Variants in FGF14 observed in about 807,000 individuals in gnomAD.
FGF14 encodes the protein fibroblast growth factor 14, also known as fibroblast growth factor homologous factor 4.
A neutral mutation model predicts 25.5 loss-of-function variants in FGF14; 5 were observed. The observed-to-expected ratio is 0.20, with a 90% CI of 0.10 to 0.41. The LOEUF is 0.41. FGF14 is among the 10% of genes least tolerant of loss of function. The pLI is 1.00. For missense variants in FGF14, 222 were observed against 320.1 expected (o/e 0.69, Z 2.34); for synonymous variants, 138 against 118.3 (o/e 1.17, Z -1.08).
chr13:102,184,745 G>C (rs1010692428), intron 1 of FGF14, among the ~76,000 whole-genome samples: 2 of 152,208 alleles, frequency 1.3e-5, no homozygotes, highest in East Asian at 3.9e-4. Flanking sequence ...TGTGGATAGG[G>C]GTATGGGTTG....
chr13:102,031,492 T>C (rs184259039), intron 1 of FGF14, among the ~76,000 whole-genome samples: 61 of 152,238 alleles, frequency 4.0e-4, no homozygotes, highest in African/African-American at 1.5e-3. Flanking sequence ...CTAAAAGTTC[T>C]TCCTCTTATG....
chr13:102,284,435 T>TTTGGATAA (rs1210271592), intron 1 of FGF14, among the ~76,000 whole-genome samples: 3 of 152,136 alleles, frequency 2.0e-5, no homozygotes, highest in Admixed American at 2.0e-4. Context: ...TAAAGTTTAC[T>TTTGGATAA]TTGGATAAAG....
intron 1 of FGF14, among the ~76,000 whole-genome samples, chr13:102,180,813 T>C (rs1352176764): frequency 6.6e-6 from 1 of 152,152 alleles, no homozygotes; most frequent in Non-Finnish European, 1.5e-5. Flanking sequence ...TTCTTTGAAA[T>C]AAATCAAGGA....
intron 1 of FGF14, among the ~76,000 whole-genome samples, chr13:102,248,686 C>G (rs1236141265): frequency 6.6e-6 from 1 of 151,950 alleles, no homozygotes; most frequent in African/African-American, 2.4e-5. Context: ...TATTTTGCAC[C>G]AGGAATTAAC....
intron 1 of FGF14, among the ~76,000 whole-genome samples, chr13:101,895,262 T>A (rs1435941678): frequency 1.3e-5 from 2 of 152,146 alleles, no homozygotes; most frequent in African/African-American, 4.8e-5. Context: ...GTAACATTTT[T>A]AAAGAAATCA....
intron 1 of FGF14, among the ~76,000 whole-genome samples, chr13:102,033,023 A>C (rs538999269): frequency 2.0e-5 from 3 of 152,228 alleles, no homozygotes; most frequent in Non-Finnish European, 4.4e-5. Context: ...ACAGCTGTGT[A>C]TTCACTTTCT....
upstream of FGF14, chr13:102,401,847 C>T: frequency 1.5e-6 from 1 of 656,288 alleles, no homozygotes; most frequent in Non-Finnish European, 2.7e-6. Context: ...CCTTTTTCAG[C>T]ATGAAGCCAA....
At chr13:101,910,846 G>A (rs890105989) in intron 1 of FGF14, among the ~76,000 whole-genome samples, 1 of 60,488 alleles carries the variant, frequency 1.7e-5, no homozygotes, top group African/African-American at 1.7e-4. Context: ...TCGTGTGTGT[G>A]TGTGTGTGTG....
intron 1 of FGF14, among the ~76,000 whole-genome samples, chr13:102,055,555 T>C (rs1273679584): frequency 1.3e-5 from 2 of 152,344 alleles, no homozygotes; most frequent in East Asian, 3.9e-4. Context: ...TAACAAATCA[T>C]CCCTTAGAAC....
At chr13:102,020,534 T>C (rs545441313) in intron 1 of FGF14, among the ~76,000 whole-genome samples, 2 of 149,312 alleles carry the variant, frequency 1.3e-5, no homozygotes, top group East Asian at 4.0e-4. Flanking sequence ...GCAATCAGAG[T>C]GAAACTCTGT....
intron 1 of FGF14, among the ~76,000 whole-genome samples, chr13:102,288,192 T>G (rs2054199622): frequency 6.6e-6 from 1 of 152,224 alleles, no homozygotes; most frequent in African/African-American, 2.4e-5. Context: ...AAAGTGGTCA[T>G]GTTTATGTAA....
chr13:101,824,800 G>C (rs1177348654), intron 3 of FGF14, among the ~76,000 whole-genome samples: 1 of 152,068 alleles, frequency 6.6e-6, no homozygotes, highest in Non-Finnish European at 1.5e-5. Flanking sequence ...GGGGCTGAAG[G>C]TTAAGTTGAT....
rs1566823038 is a variant in FGF14 at position 101,726,599 on chromosome 13, G to A, written c.607+13C>T. The stretch of plus-strand genomic sequence containing the variant: ...ATAAGTCTATGTAATAATAATGCAT[G>A]CATAATACTCACCTTCCAATGGCTT... On this transcript the variant is annotated intron_variant, in intron 4 of 4. Transcript: ENST00000376143. The A allele has an allele frequency of 6.2e-7, 1 of 1,610,230 alleles. No homozygotes were observed. The highest frequency in any genetic ancestry group is 2.2e-5 in the East Asian group (1 of 44,796).
In FGF14 at chr13:101,726,567, A is replaced by G. The variant is rs774637031; in HGVS notation, c.607+45T>C. On this transcript the variant is annotated intron_variant, in intron 4 of 4. Transcript: ENST00000376143. ...TAGACCTATCAATTTGAAAAATAAA[A>G]TATGTAATAAGTCTATGTAATAATA... The G allele has an allele frequency of 6.4e-6, 10 of 1,557,602 alleles. No homozygotes were observed. In the African/African-American group the frequency reaches 1.2e-4, roughly 19 times the overall value.
At chr13:101,830,536 C>A (rs1364464432) in intron 3 of FGF14, among the ~76,000 whole-genome samples, 2 of 152,048 alleles carry the variant, frequency 1.3e-5, no homozygotes, top group Non-Finnish European at 2.9e-5. Flanking sequence ...GAGAACATTA[C>A]CTCAAGAGGC....
intron 3 of FGF14, among the ~76,000 whole-genome samples, chr13:101,837,112 G>A (rs1469045258): frequency 6.6e-6 from 1 of 151,936 alleles, no homozygotes; most frequent in Non-Finnish European, 1.5e-5. Context: ...AAACACTGGA[G>A]TTAGTTGCTA....
chr13:102,268,183 G>A lies in FGF14; in HGVS notation c.208+133288C>T, dbSNP rs79516882. On this transcript the variant is annotated intron_variant, in intron 1 of 4. Transcript: ENST00000376131. ...GAGGACAAAATCTTGGTCTTTGTTC[G>A]CCACTGTCTCCATGACATCCAACAT... is the stretch of plus-strand genomic sequence containing the variant. Among the ~76,000 whole-genome samples, 8 of 152,160 alleles carry A rather than the reference G, an allele frequency of 5.3e-5. No homozygotes were observed. The East Asian group carries it at 1.2e-3, about 22-fold the overall frequency.
chr13:102,155,544 C>A (rs9518640), intron 1 of FGF14, among the ~76,000 whole-genome samples: 8,268 of 151,958 alleles, frequency 0.054, 289 homozygotes, highest in Non-Finnish European at 0.082. Context: ...GCACTAAATG[C>A]CCACAAGAGA....
intron 1 of FGF14, among the ~76,000 whole-genome samples, chr13:102,050,705 C>G (rs1031407449): frequency 6.6e-6 from 1 of 151,924 alleles, no homozygotes; most frequent in South Asian, 2.1e-4. Flanking sequence ...GCGCAGATAG[C>G]TACTCACAAA....
Sources: gnomAD v4.1 joint callset for allele counts (sites outside exome capture counted in the v4.1 genomes callset) on GRCh38, gnomAD v4.1.1 for gene constraint, MANE v1.5 for transcripts, NCBI Gene and HGNC (gene_info 2026-07-23, HGNC 2026-07-21) for gene names.